Variants in WNT4 observed in about 807,000 individuals in gnomAD.
The protein encoded by WNT4 is protein Wnt-4.
Under a neutral mutation model 34.5 loss-of-function variants are expected in WNT4, and 16 were observed. The ratio of observed to expected loss-of-function variants is 0.46; its 90% CI spans 0.31 to 0.70. WNT4 has a LOEUF of 0.70. Ranked by LOEUF, WNT4 falls within the 30% of genes least tolerant of loss-of-function variation. WNT4 has a pLI of 0.04. For missense variants in WNT4, 379 were observed against 495.9 expected (o/e 0.76, Z 2.24); for synonymous variants, 200 against 211.9 (o/e 0.94, Z 0.49).
chr1:22,124,345 C>T (rs911836576), intron 2 of WNT4, among the ~76,000 whole-genome samples: 1 of 152,224 alleles, frequency 6.6e-6, no homozygotes, highest in African/African-American at 2.4e-5. Context: ...TTCTCACACC[C>T]AGCTCCTTTC....
Position 22,121,197 on chromosome 1 carries a change from T to C in WNT4, c.588+14A>G. On this transcript the variant is annotated intron_variant, in intron 4 of 4. Transcript: ENST00000290167. Reference sequence around the variant, plus strand: ...TCCCTACCCCGCTCTTGGTGGGGGGTAGTGCCACACTACCTTCCTGCCGGC... The same window carrying C: ...TCCCTACCCCGCTCTTGGTGGGGGGCAGTGCCACACTACCTTCCTGCCGGC... 1 of 1,612,678 alleles carries C rather than the reference T, an allele frequency of 6.2e-7. No individual in the cohort carries two copies. Among genetic ancestry groups the C allele is most frequent in the Non-Finnish European group, 8.5e-7 (1 of 1,179,736 alleles).
Position 22,139,182 on chromosome 1 carries a change from G to A in WNT4, c.77+3664C>T, listed in dbSNP as rs1344821897. On this transcript the variant is annotated intron_variant, in intron 1 of 4. Coordinates refer to ENST00000290167, the MANE Select transcript of WNT4 (RefSeq NM_030761.5). This position sits in a 1 kb window ranked among gnomAD's most constrained non-coding sequence, Gnocchi z 4.6. Reference sequence around the variant, plus strand: ...AGGGCTTGGGAGCAGCAGCCTGAAGGCCCGTTTTCTCCACCACCCCTATCA... The same window carrying A: ...AGGGCTTGGGAGCAGCAGCCTGAAGACCCGTTTTCTCCACCACCCCTATCA... 1.3e-5 allele frequency among the ~76,000 whole-genome samples: 2 copies of A among 152,290 alleles called. No individual in the cohort carries two copies. The highest frequency in any genetic ancestry group is 3.9e-4 in the East Asian group (2 of 5,182).
intron 1 of WNT4, among the ~76,000 whole-genome samples, chr1:22,138,404 C>T (rs1023622120): frequency 2.6e-5 from 4 of 151,916 alleles, no homozygotes; most frequent in Admixed American, 2.0e-4. Context: ...ATGATTTTGC[C>T]CGCCCCCCAG....
At position 22,140,316 on chromosome 1, in the gene WNT4, T is replaced by C. The variant is rs1646056357; in HGVS notation, c.77+2530A>G. ...CTCTGGCATTTACCAGCTGGGTGAC[T>C]TGGGCAGTTACCTCTGCGATCCCCA... On this transcript the variant is annotated intron_variant, in intron 1 of 4. Transcript: ENST00000290167. The surrounding 1 kb of genome is among the most constrained non-coding windows in gnomAD (Gnocchi z 5.9). The C allele has an allele frequency of 1.0e-6, 1 of 980,776 alleles. No homozygotes were observed. Among genetic ancestry groups the C allele is most frequent in the Non-Finnish European group, 1.2e-6 (1 of 825,744 alleles). The allele number at this position is 980,776 out of a possible 1,614,324, so 60.8% of individuals were successfully genotyped here.
rs915755289 is a variant in WNT4, at chr1:22,139,197, C to T, written c.77+3649G>A. 2.6e-5 allele frequency among the ~76,000 whole-genome samples: 4 copies of T among 152,182 alleles called. No homozygotes were observed. The highest frequency in any genetic ancestry group is 9.7e-5 in the African/African-American group (4 of 41,450). ...CAGCCTGAAGGCCCGTTTTCTCCAC[C>T]ACCCCTATCAATAGGGACGCAGCCC... On this transcript the variant is annotated intron_variant, in intron 1 of 4. Transcript: ENST00000290167. The surrounding 1 kb of genome is among the most constrained non-coding windows in gnomAD (Gnocchi z 4.6).
Position 22,129,868 on chromosome 1 carries a change from A to G in WNT4, c.78-17T>C. Reference sequence around the variant, plus strand: ...GCCAGGTACCTGGGGAGAGGGTGACACGTGATGCAGAGCCCACCTCCTCAT... The same window carrying G: ...GCCAGGTACCTGGGGAGAGGGTGACGCGTGATGCAGAGCCCACCTCCTCAT... On this transcript the variant is annotated splice_polypyrimidine_tract_variant and intron_variant, in intron 1 of 4. Transcript: ENST00000290167. The G allele has an allele frequency of 1.2e-6, 2 of 1,612,668 alleles. No individual in the cohort carries two copies. Among genetic ancestry groups the G allele is most frequent in the Non-Finnish European group, 8.5e-7 (1 of 1,179,722 alleles).
At chr1:22,125,664 T>C (rs1383230113) in intron 2 of WNT4, among the ~76,000 whole-genome samples, 10 of 152,086 alleles carry the variant, frequency 6.6e-5, no homozygotes, top group Non-Finnish European at 1.5e-4. Context: ...ATTCATCAAG[T>C]CCTTCATCTC....
intron 1 of WNT4, 123 bp from the exon 2 acceptor site, chr1:22,129,974 C>T (rs768518925): frequency 9.3e-5 from 105 of 1,131,542 alleles, no homozygotes; most frequent in Middle Eastern, 3.9e-4. Flanking sequence ...GCCTGGCTGC[C>T]GACTTCTCTC....
intron 2 of WNT4, among the ~76,000 whole-genome samples, chr1:22,122,853 C>T (rs115312440): frequency 7.4e-4 from 113 of 152,298 alleles, no homozygotes; most frequent in African/African-American, 2.5e-3. Flanking sequence ...AGCTCAGTCC[C>T]CGACCACTCA....
At chr1:22,122,545 G>A (rs1183118242) in intron 2 of WNT4, among the ~76,000 whole-genome samples, 1 of 152,200 alleles carries the variant, frequency 6.6e-6, no homozygotes, top group Non-Finnish European at 1.5e-5. Flanking sequence ...GTGAGCTGGA[G>A]TATGCATGGC....
Position 22,119,585 on chromosome 1 carries a change from A to C in WNT4, c.*465T>G. ...TCTAGGCTCAAGCTGCCAGGAGTCC[A>C]TGTGTATGTGTGCTGGAGAGTTAAG... On this transcript the variant is annotated 3_prime_UTR_variant, in exon 5 of 5. Coordinates refer to ENST00000290167, the MANE Select transcript of WNT4 (RefSeq NM_030761.5). 1 of 210,718 alleles carries C rather than the reference A, an allele frequency of 4.7e-6. No individual in the cohort carries two copies. Among genetic ancestry groups the C allele is most frequent in the Non-Finnish European group, 9.6e-6 (1 of 103,672 alleles). The allele number at this position is 210,718 out of a possible 1,614,324, so 13.1% of individuals were successfully genotyped here.
At position 22,134,516 on chromosome 1, in the gene WNT4, G is replaced by A. The variant is rs929779694; in HGVS notation, c.78-4665C>T. Among the ~76,000 whole-genome samples the A allele has an allele frequency of 4.6e-5, 7 of 152,148 alleles. No homozygotes were observed. Among genetic ancestry groups the A allele is most frequent in the Non-Finnish European group, 7.4e-5 (5 of 68,024 alleles). The stretch of plus-strand genomic sequence containing the variant: ...TTGGAGACCCTTGTCTTTTGGCATG[G>A]CAGGCAGTGCAGAAAGGACATGGAC... On this transcript the variant is annotated intron_variant, in intron 1 of 4. Coordinates refer to ENST00000290167, the MANE Select transcript of WNT4 (RefSeq NM_030761.5). The surrounding 1 kb of genome is among the most constrained non-coding windows in gnomAD (Gnocchi z 4.1).
intron 4 of WNT4, among the ~76,000 whole-genome samples, 184 bp from the exon 5 acceptor site, chr1:22,120,701 C>T (rs532808901): frequency 8.5e-5 from 13 of 152,272 alleles, no homozygotes; most frequent in South Asian, 4.1e-4. Context: ...GACAGGTGAA[C>T]GAGGTACTGT....
intron 1 of WNT4, among the ~76,000 whole-genome samples, chr1:22,138,589 G>A (rs1202072325): frequency 6.6e-6 from 1 of 152,212 alleles, no homozygotes; most frequent in Non-Finnish European, 1.5e-5. Context: ...GAGAAATCCT[G>A]CTGTAAACTG....
At chr1:22,126,690 G>A (rs1428027626) in intron 2 of WNT4, among the ~76,000 whole-genome samples, 2 of 152,222 alleles carry the variant, frequency 1.3e-5, no homozygotes, top group African/African-American at 4.8e-5. Context: ...TGCAGGCTCC[G>A]GCCATGCCCC....
chr1:22,121,246 G>A lies in WNT4; in HGVS notation c.553C>T (p.Leu185Phe). The part of the protein sequence containing the change: ...RSKGASSSRA[L>F]MNLHNNEAGR... Reference sequence around the variant, plus strand: ...GCCTCATTGTTGTGGAGGTTCATGAGGGCTCTGCTGGACGAGGCCCCCTTG... The same window carrying A: ...GCCTCATTGTTGTGGAGGTTCATGAAGGCTCTGCTGGACGAGGCCCCCTTG... Residue 185 changes from leucine to phenylalanine, a missense_variant, in exon 4 of 5, where the codon CTC (leucine) becomes TTC (phenylalanine). Leu to Phe is a conservative substitution (Grantham distance 22). Coordinates refer to ENST00000290167, the MANE Select transcript of WNT4 (RefSeq NM_030761.5). 18 of 1,614,108 alleles carry A rather than the reference G, an allele frequency of 1.1e-5. No homozygotes were observed. The highest frequency in any genetic ancestry group is 1.4e-5 in the Non-Finnish European group (17 of 1,180,026).
intron 2 of WNT4, among the ~76,000 whole-genome samples, chr1:22,125,344 G>GT (rs1377759184): frequency 6.6e-6 from 1 of 152,092 alleles, no homozygotes; most frequent in Non-Finnish European, 1.5e-5. Flanking sequence ...CAGATCTTCT[G>GT]TAACTTATAG....
intron 1 of WNT4, among the ~76,000 whole-genome samples, chr1:22,141,975 C>G (rs1646071470): frequency 6.6e-6 from 1 of 152,254 alleles, no homozygotes. Context: ...GGGTTAAGCG[C>G]GGGGCATGGG....
At chr1:22,141,440 C>T (rs1646065772) in intron 1 of WNT4, among the ~76,000 whole-genome samples, 1 of 152,118 alleles carries the variant, frequency 6.6e-6, no homozygotes, top group African/African-American at 2.4e-5. Context: ...TCAGCTCCCT[C>T]CCCAGCTCTG....
Sources: gnomAD v4.1 joint callset for allele counts (sites outside exome capture counted in the v4.1 genomes callset) on GRCh38, gnomAD v4.1.1 for gene constraint, Gnocchi (gnomAD v3.1) non-coding constraint, MANE v1.5 for transcripts, NCBI Gene and HGNC (gene_info 2026-07-23, HGNC 2026-07-21) for gene names.